Variants in GTF2E1 observed in about 807,000 individuals in gnomAD.
GTF2E1 encodes general transcription factor IIE subunit 1.
GTF2E1 carries 14 observed loss-of-function variants against 34.9 expected under a neutral mutation model. The observed-to-expected ratio is 0.40, with a 90% CI of 0.27 to 0.63. The LOEUF (loss-of-function observed/expected upper bound fraction) is 0.63. GTF2E1 is among the 20% of genes least tolerant of loss of function. The pLI is 0.39. For synonymous variants in GTF2E1, 188 were observed against 192.9 expected (o/e 0.97, Z 0.21); for missense variants, 469 against 557.7 (o/e 0.84, Z 1.60).
At chr3:120,757,007 T>G (rs1709215591) in intron 2 of GTF2E1, among the ~76,000 whole-genome samples, 1 of 152,222 alleles carries the variant, frequency 6.6e-6, no homozygotes, top group South Asian at 2.1e-4. Flanking sequence ...GCTAATTTAT[T>G]TGCTTATTTG....
At chr3:120,754,431 G>A (rs981311279) in intron 2 of GTF2E1, among the ~76,000 whole-genome samples, 2 of 152,056 alleles carry the variant, frequency 1.3e-5, no homozygotes, top group Non-Finnish European at 2.9e-5. Context: ...TCTATCTAGT[G>A]TTCAAAATAC....
chr3:120,766,530 C>T (rs1360274062), intron 2 of GTF2E1, among the ~76,000 whole-genome samples: 1 of 151,932 alleles, frequency 6.6e-6, no homozygotes, highest in East Asian at 1.9e-4. Flanking sequence ...CATCATTTTT[C>T]AACCACCCTA....
chr3:120,744,070 C>G (rs1310174937), intron 1 of GTF2E1, among the ~76,000 whole-genome samples: 3 of 152,202 alleles, frequency 2.0e-5, no homozygotes, highest in Middle Eastern at 6.3e-3. Context: ...ACGCCAGCTG[C>G]TATTCGGCTT....
chr3:120,752,920 A>AT (rs1477012855), intron 2 of GTF2E1, among the ~76,000 whole-genome samples: 1 of 152,186 alleles, frequency 6.6e-6, no homozygotes, highest in African/African-American at 2.4e-5. Flanking sequence ...CTAATGCTTA[A>AT]TTGGCAGTTA....
intron 2 of GTF2E1, among the ~76,000 whole-genome samples, chr3:120,752,957 A>G (rs1559830188): frequency 6.6e-6 from 1 of 152,176 alleles, no homozygotes; most frequent in Non-Finnish European, 1.5e-5. Flanking sequence ...CTGAGGTATC[A>G]TGATTAAAAA....
rs536227863 is a variant in GTF2E1, at chr3:120,768,252, TG to T, written c.449-2474del. On this transcript the variant is annotated intron_variant, in intron 2 of 4. Coordinates refer to ENST00000283875, the MANE Select transcript of GTF2E1 (RefSeq NM_005513.3). ...TGTTGGCTACAGAAGGCCTTACTGG[TG>T]GCTTCTGAGTAAAGAACTGAAGTAA... 3.8e-3 allele frequency among the ~76,000 whole-genome samples: 580 copies of T among 152,290 alleles called. 2 individuals are homozygous for T. Among genetic ancestry groups the T allele is most frequent in the African/African-American group, 0.013 (545 of 41,554 alleles).
intron 2 of GTF2E1, among the ~76,000 whole-genome samples, chr3:120,755,023 A>T (rs1320588610): frequency 6.6e-6 from 1 of 152,290 alleles, no homozygotes; most frequent in South Asian, 2.1e-4. Flanking sequence ...GACACTTCTC[A>T]TGGAGATTTA....
chr3:120,764,025 C>T (rs1239631766), intron 2 of GTF2E1, among the ~76,000 whole-genome samples: 1 of 152,152 alleles, frequency 6.6e-6, no homozygotes, highest in Non-Finnish European at 1.5e-5. Flanking sequence ...CCAGGCATGC[C>T]TTTACTTTAT....
chr3:120,756,095 T>C (rs1162628622), intron 2 of GTF2E1, among the ~76,000 whole-genome samples: 1 of 152,202 alleles, frequency 6.6e-6, no homozygotes, highest in African/African-American at 2.4e-5. Flanking sequence ...ACATCTGATA[T>C]ACTGATTTCC....
At chr3:120,773,421 G>A (rs993835137) in intron 3 of GTF2E1, among the ~76,000 whole-genome samples, 2 of 152,102 alleles carry the variant, frequency 1.3e-5, no homozygotes, top group African/African-American at 4.8e-5. Flanking sequence ...AATATTATTA[G>A]TTTGATTACT....
intron 3 of GTF2E1, among the ~76,000 whole-genome samples, chr3:120,775,782 G>C (rs1282031668): frequency 2.0e-5 from 3 of 152,138 alleles, no homozygotes; most frequent in Non-Finnish European, 2.9e-5. Flanking sequence ...GGTTGGAGAT[G>C]GATACAGAGT....
At chr3:120,780,410 A>C (rs1187927726) in intron 4 of GTF2E1, among the ~76,000 whole-genome samples, 1 of 152,202 alleles carries the variant, frequency 6.6e-6, no homozygotes, top group African/African-American at 2.4e-5. Context: ...GAGTACCTAA[A>C]GGAAAAATAT....
Position 120,770,833 on chromosome 3 carries a change from A to C in GTF2E1, c.554A>C (p.Glu185Ala). ...TTGGCAAGGTTTAATGAACAAATTG[A>C]GCCCATTTATGCATTGCTTCGGGAG... ...TLLARFNEQI[E>A]PIYALLRETE... Residue 185 changes from glutamate (E) to alanine (A), a missense_variant, in exon 3 of 5, where the codon GAG becomes GCG. Coordinates refer to ENST00000283875, the MANE Select transcript of GTF2E1 (RefSeq NM_005513.3). The C allele has an allele frequency of 6.2e-7, 1 of 1,613,646 alleles. No individual in the cohort carries two copies. The highest frequency in any genetic ancestry group is 8.5e-7 in the Non-Finnish European group (1 of 1,179,610).
Position 120,781,713 on chromosome 3 carries a change from T to TTA in GTF2E1, c.*244_*245insAT. On this transcript the variant is annotated 3_prime_UTR_variant, in exon 5 of 5. Transcript: ENST00000283875. ...TATTAATATTTTACTGTATTTTCTT[T>TTA]TCTTTTTTTTTTTTTTTTGGAGATG... is the stretch of plus-strand genomic sequence containing the variant. 1 of 383,146 alleles carries TTA rather than the reference T, an allele frequency of 2.6e-6. No homozygotes were observed. Among genetic ancestry groups the TTA allele is most frequent in the East Asian group, 4.6e-5 (1 of 21,836 alleles). The allele number at this position is 383,146 out of a possible 1,614,324, so 23.7% of individuals were successfully genotyped here. A position where few individuals can be genotyped will look rare whatever the true frequency, so the allele number is the denominator to read the frequency against.
At chr3:120,778,275 A>C (rs1303948963) in intron 4 of GTF2E1, among the ~76,000 whole-genome samples, 3 of 152,256 alleles carry the variant, frequency 2.0e-5, no homozygotes, top group Non-Finnish European at 4.4e-5. Context: ...GCCTTAAATA[A>C]GTTATCTGGT....
At chr3:120,766,876 C>G (rs899609023) in intron 2 of GTF2E1, among the ~76,000 whole-genome samples, 4 of 152,076 alleles carry the variant, frequency 2.6e-5, no homozygotes, top group Non-Finnish European at 5.9e-5. Context: ...CCTCCTGCCC[C>G]TTGCCACTTG....
intron 2 of GTF2E1, among the ~76,000 whole-genome samples, chr3:120,766,264 C>T (rs184334053): frequency 1.8e-4 from 27 of 152,204 alleles, no homozygotes; most frequent in Admixed American, 1.2e-3. Context: ...TTTATGCAGA[C>T]ACTCAGTTAA....
intron 2 of GTF2E1, among the ~76,000 whole-genome samples, chr3:120,764,271 G>T (rs1232699787): frequency 4.6e-5 from 7 of 152,002 alleles, no homozygotes; most frequent in Non-Finnish European, 7.4e-5. Flanking sequence ...GAATGTGAGG[G>T]CCATGAAAGT....
rs1335019756 is a variant in GTF2E1 at position 120,750,912 on chromosome 3, T to C, written c.360T>C (p.Asp120=). ...MRRRIETDER[D]STNRASFKCP... is the part of the protein sequence containing the mutation. The stretch of plus-strand genomic sequence containing the variant: ...GAAGAATTGAGACCGATGAGAGAGA[T>C]TCGACCAACCGGGCTTCCTTCAAAT... The change falls in exon 2 of 5, where the codon GAT becomes GAC. Residue 120 remains aspartate, a synonymous_variant. Transcript: ENST00000283875. The C allele has an allele frequency of 1.2e-6, 2 of 1,613,976 alleles. No homozygotes were observed. The highest frequency in any genetic ancestry group is 1.7e-6 in the Non-Finnish European group (2 of 1,179,890).
Sources: gnomAD v4.1 joint callset for allele counts (sites outside exome capture counted in the v4.1 genomes callset) on GRCh38, gnomAD v4.1.1 for gene constraint, MANE v1.5 for transcripts, NCBI Gene and HGNC (gene_info 2026-07-23, HGNC 2026-07-21) for gene names.